Variants in PCDHGA4 observed in about 807,000 individuals in gnomAD.
The protein encoded by PCDHGA4 is protocadherin gamma-A4.
In PCDHGA4, 38 loss-of-function variants were observed where a neutral mutation model predicts 54.6. That is an observed-to-expected ratio of 0.70 (90% confidence interval 0.54 to 0.91). The LOEUF (loss-of-function observed/expected upper bound fraction) is 0.91. Ranked by LOEUF, PCDHGA4 falls within the 40% of genes least tolerant of loss-of-function variation. PCDHGA4 has a pLI of 0.00. For synonymous variants in PCDHGA4, 511 were observed against 512.9 expected (o/e 1.00, Z 0.05); for missense variants, 1,298 against 1,220.9 (o/e 1.06, Z -0.94).
intron 1 of PCDHGA4, chr5:141,389,993 G>T: frequency 6.2e-7 from 1 of 1,614,016 alleles, no homozygotes; most frequent in Non-Finnish European, 8.5e-7. Flanking sequence ...TCTTCCTCGT[G>T]GCCATGATTC....
At chr5:141,422,470 T>G in intron 1 of PCDHGA4, 1 of 1,613,440 alleles carries the variant, frequency 6.2e-7, no homozygotes, top group South Asian at 1.1e-5. Flanking sequence ...GGACAGGGAG[T>G]TGGTCCAGAG....
chr5:141,415,098 G>A, intron 1 of PCDHGA4: 5 of 1,613,586 alleles, frequency 3.1e-6, no homozygotes, highest in Non-Finnish European at 4.2e-6. Context: ...ACAGAGACGC[G>A]CTCAAGCAAA....
At chr5:141,367,574 ATC>A (rs1765238671) in intron 1 of PCDHGA4, 1 of 151,104 alleles carries the variant, frequency 6.6e-6, no homozygotes, top group Middle Eastern at 3.4e-3. Flanking sequence ...ATAAATAAAT[ATC>A]AGAAAAGTAG....
At chr5:141,395,431 C>T (rs929194882) in intron 1 of PCDHGA4, 19 of 702,102 alleles carry the variant, frequency 2.7e-5, no homozygotes, top group Non-Finnish European at 4.0e-5. Context: ...TGCTTTTAAA[C>T]GACTTGGAAA....
intron 1 of PCDHGA4, among the ~76,000 whole-genome samples, chr5:141,455,204 T>G (rs1173402170): frequency 6.6e-6 from 1 of 152,052 alleles, no homozygotes; most frequent in Admixed American, 6.6e-5. Context: ...TTACAACCAA[T>G]AAGAGTTTTT....
intron 1 of PCDHGA4, chr5:141,360,267 C>T (rs755623766): frequency 6.2e-7 from 1 of 1,613,986 alleles, no homozygotes; most frequent in Non-Finnish European, 8.5e-7. Context: ...TGGCCAAAAA[C>T]TCGGTCGTAG....
intron 1 of PCDHGA4, among the ~76,000 whole-genome samples, chr5:141,475,364 G>C (rs2099362607): frequency 6.6e-6 from 1 of 152,200 alleles, no homozygotes; most frequent in Admixed American, 6.5e-5. Flanking sequence ...AATAAAATCT[G>C]AATTGTACTT....
chr5:141,459,295 A>C (rs571675117), intron 1 of PCDHGA4, among the ~76,000 whole-genome samples: 2 of 152,368 alleles, frequency 1.3e-5, no homozygotes, highest in South Asian at 4.1e-4. Context: ...ATGGAATCCT[A>C]TAACATATAC....
chr5:141,358,757 T>C (rs1761012774), intron 1 of PCDHGA4, among the ~76,000 whole-genome samples: 1 of 152,252 alleles, frequency 6.6e-6, no homozygotes, highest in Non-Finnish European at 1.5e-5. Flanking sequence ...CTTGTCATCA[T>C]GTGAGCCTCT....
intron 1 of PCDHGA4, chr5:141,404,463 A>C: frequency 6.2e-7 from 1 of 1,612,548 alleles, no homozygotes. Flanking sequence ...CTCTCCACCT[A>C]TGTCTCTATT....
intron 1 of PCDHGA4, among the ~76,000 whole-genome samples, chr5:141,492,095 CT>C (rs1047956109): frequency 6.6e-6 from 1 of 152,232 alleles, no homozygotes; most frequent in African/African-American, 2.4e-5. Context: ...CTTCGCCGGT[CT>C]GTAGATTTCC....
chr5:141,476,979 G>T lies in PCDHGA4; in HGVS notation c.2515-17828G>T. The T allele has an allele frequency of 1.2e-6, 2 of 1,614,238 alleles. No individual in the cohort carries two copies. The highest frequency in any genetic ancestry group is 1.7e-6 in the Non-Finnish European group (2 of 1,180,042). The stretch of plus-strand genomic sequence containing the variant: ...ATTTACTCCTTCGGCAGCCACAACC[G>T]CGCCGGCGTGCGGCAACTATTCGCC... On this transcript the variant is annotated intron_variant, in intron 1 of 3. Coordinates refer to ENST00000571252, the MANE Select transcript of PCDHGA4 (RefSeq NM_018917.4). This position sits in a 1 kb window ranked among gnomAD's most constrained non-coding sequence, Gnocchi z 7.6.
rs556656447 is a variant in PCDHGA4 at position 141,500,319 on chromosome 5, C to CT, written c.2574-5073dup. Among the ~76,000 whole-genome samples the CT allele has an allele frequency of 2.6e-5, 4 of 152,122 alleles. No homozygotes were observed. The South Asian group carries it at 8.3e-4, about 32-fold the overall frequency. Reference sequence around the variant, plus strand: ...CGCCTCCCAGGTTCACGCCATGCTCCTGCCTCAGCCTCCAGAATAGCTGGG... The same window carrying CT: ...CGCCTCCCAGGTTCACGCCATGCTCCTTGCCTCAGCCTCCAGAATAGCTGGG... On this transcript the variant is annotated intron_variant, in intron 2 of 3. Coordinates refer to ENST00000571252, the MANE Select transcript of PCDHGA4 (RefSeq NM_018917.4).
chr5:141,428,857 A>C (rs2097165548), intron 1 of PCDHGA4: 1 of 140,386 alleles, frequency 7.1e-6, no homozygotes, highest in Non-Finnish European at 1.5e-5. Context: ...TTTTTACGGG[A>C]GACTTTTTTT....
At chr5:141,361,861 G>C (rs1429521367) in intron 1 of PCDHGA4, 1 of 1,611,994 alleles carries the variant, frequency 6.2e-7, no homozygotes, top group Non-Finnish European at 8.5e-7. Context: ...CGCCCTCTTC[G>C]ATATGGTGCC....
rs73280340 is a variant in PCDHGA4, at chr5:141,473,067, G to A, written c.2515-21740G>A. On this transcript the variant is annotated intron_variant, in intron 1 of 3. Transcript: ENST00000571252. ...GAAAGAAGTGATACAACAAGTTACA[G>A]CATCTTTGTTTATTATCCACTGTGA... Among the ~76,000 whole-genome samples the A allele has an allele frequency of 5.6e-3, 854 of 152,054 alleles. 5 individuals are homozygous for A. The highest frequency in any genetic ancestry group is 0.019 in the African/African-American group (798 of 41,456).
chr5:141,384,807 T>C, intron 1 of PCDHGA4: 1 of 1,613,400 alleles, frequency 6.2e-7, no homozygotes, highest in Non-Finnish European at 8.5e-7. Context: ...TGGACAGAGA[T>C]GCCCTCAAGC....
rs191354649 is a variant in PCDHGA4 at position 141,510,446 on chromosome 5, C to T, written c.2663-501C>T. 8.9e-4 allele frequency among the ~76,000 whole-genome samples: 135 copies of T among 152,154 alleles called. 1 individual carries two copies. Among genetic ancestry groups the T allele is most frequent in the Non-Finnish European group, 1.7e-3 (114 of 68,010 alleles). On this transcript the variant is annotated intron_variant, in intron 3 of 3. Coordinates refer to ENST00000571252, the MANE Select transcript of PCDHGA4 (RefSeq NM_018917.4). ...TTTCATGGCTGCTGCCCTCCAGGAG[C>T]CCATGGTCTAGTGTGGGAGTCAGAG...
chr5:141,468,983 AATT>A (rs958294955), intron 1 of PCDHGA4, among the ~76,000 whole-genome samples: 5 of 148,376 alleles, frequency 3.4e-5, no homozygotes, highest in Admixed American at 6.8e-5. Context: ...TGACTTCCAA[AATT>A]ATTGTTTTTG....
Sources: gnomAD v4.1 joint callset for allele counts (sites outside exome capture counted in the v4.1 genomes callset) on GRCh38, gnomAD v4.1.1 for gene constraint, Gnocchi (gnomAD v3.1) non-coding constraint, MANE v1.5 for transcripts, NCBI Gene and HGNC (gene_info 2026-07-23, HGNC 2026-07-21) for gene names.